The following CRLF3 variants were observed in gnomAD, a reference collection of about 807,000 sequenced individuals.
The protein encoded by CRLF3 is cytokine receptor-like factor 3.
CRLF3 carries 33 observed loss-of-function variants against 55.0 expected under a neutral mutation model. The ratio of observed to expected loss-of-function variants is 0.60; its 90% confidence interval spans 0.46 to 0.80. The LOEUF is 0.80. CRLF3 is among the 30% of genes least tolerant of loss of function. The pLI, the probability that CRLF3 is intolerant of heterozygous loss-of-function variation, is 0.00. For missense variants in CRLF3, 494 were observed against 538.4 expected (o/e 0.92, Z 0.82); for synonymous variants, 238 against 196.8 (o/e 1.21, Z -1.75).
intron 6 of CRLF3, among the ~76,000 whole-genome samples, chr17:30,789,879 A>G (rs1240176067): frequency 6.6e-6 from 1 of 152,256 alleles, no homozygotes; most frequent in East Asian, 1.9e-4. Flanking sequence ...TTCTCAGGAG[A>G]GTCACTAACC....
chr17:30,818,271 T>A (rs1310283873), intron 1 of CRLF3, among the ~76,000 whole-genome samples: 2 of 151,436 alleles, frequency 1.3e-5, no homozygotes, highest in Non-Finnish European at 2.9e-5. Flanking sequence ...AAAAAAAAAA[T>A]TATTTCATCT....
intron 1 of CRLF3, among the ~76,000 whole-genome samples, chr17:30,820,757 T>C (rs1904966058): frequency 7.1e-6 from 1 of 140,034 alleles, no homozygotes; most frequent in Admixed American, 7.8e-5. Context: ...TGCAGTGAGC[T>C]GAAGGTTGCA....
chr17:30,816,434 T>C (rs758758742), intron 1 of CRLF3, among the ~76,000 whole-genome samples: 15 of 151,760 alleles, frequency 9.9e-5, no homozygotes, highest in Admixed American at 3.3e-4. Context: ...ATAATGGTAG[T>C]CCCATAACAT....
intron 2 of CRLF3, among the ~76,000 whole-genome samples, chr17:30,798,504 A>G (rs1971958246): frequency 6.6e-6 from 1 of 152,136 alleles, no homozygotes; most frequent in African/African-American, 2.4e-5. Context: ...TAGTTACTCA[A>G]GTTTTTTGAG....
Position 30,784,129 on chromosome 17 carries a change from C to A in CRLF3, c.*58G>T. The stretch of plus-strand genomic sequence containing the variant: ...TTTTTTTTTAAAGCAATTACAACTA[C>A]GCTGGGCTGAGGACAGCTACGTTAG... On this transcript the variant is annotated 3_prime_UTR_variant, in exon 8 of 8. Coordinates refer to ENST00000324238, the MANE Select transcript of CRLF3 (RefSeq NM_015986.4). 6.6e-7 allele frequency: 1 copy of A among 1,505,134 alleles called. No homozygotes were observed. The highest frequency in any genetic ancestry group is 1.3e-5 in the South Asian group (1 of 79,896). The allele number at this position is 1,505,134 out of a possible 1,614,324, so 93.2% of individuals were successfully genotyped here.
chr17:30,797,772 G>T (rs1407957909), intron 2 of CRLF3, among the ~76,000 whole-genome samples: 1 of 132,830 alleles, frequency 7.5e-6, no homozygotes, highest in Admixed American at 7.5e-5. Flanking sequence ...CAGGGGATAG[G>T]GTGTTTTTTT....
At chr17:30,809,183 GAAGT>G (rs1904532541) in intron 1 of CRLF3, among the ~76,000 whole-genome samples, 1 of 152,276 alleles carries the variant, frequency 6.6e-6, no homozygotes, top group Admixed American at 6.5e-5. Context: ...CAGAAAAAAG[GAAGT>G]AAGTGAACAC....
chr17:30,807,712 T>C (rs1357167326), intron 1 of CRLF3, among the ~76,000 whole-genome samples: 3 of 151,870 alleles, frequency 2.0e-5, no homozygotes, highest in Non-Finnish European at 4.4e-5. Flanking sequence ...TTTGTATTTT[T>C]AGTAGAGACA....
chr17:30,803,595 G>A lies in CRLF3; in HGVS notation c.337+306C>T, dbSNP rs537016199. 2.2e-5 allele frequency: 6 copies of A among 276,944 alleles called. 1 individual carries two copies. Among genetic ancestry groups the A allele is most frequent in the Middle Eastern group, 2.4e-3 (2 of 838 alleles). 17.2% of individuals were successfully genotyped at this position (276,944 alleles called of 1,614,324 possible). On this transcript the variant is annotated intron_variant, in intron 2 of 7. Coordinates refer to ENST00000324238, the MANE Select transcript of CRLF3 (RefSeq NM_015986.4). ...TTCCCATGTGTTGCAGGAGGGACCC[G>A]GTGGGAGATAATTGAATCATGGGGG...
intron 4 of CRLF3, among the ~76,000 whole-genome samples, chr17:30,795,702 G>A (rs1199507019): frequency 5.3e-5 from 8 of 151,966 alleles, no homozygotes; most frequent in Non-Finnish European, 1.2e-4. Flanking sequence ...TTGGGTGGCC[G>A]AGGCGAGTGG....
intron 1 of CRLF3, among the ~76,000 whole-genome samples, chr17:30,818,984 T>C (rs1904902581): frequency 6.6e-6 from 1 of 151,788 alleles, no homozygotes; most frequent in African/African-American, 2.4e-5. Flanking sequence ...CCTGGCTAAT[T>C]TTTTTTACAT....
chr17:30,798,969 A>AT (rs924765781), intron 2 of CRLF3, among the ~76,000 whole-genome samples: 4 of 152,018 alleles, frequency 2.6e-5, no homozygotes, highest in Admixed American at 1.3e-4. Context: ...ATGTATAATA[A>AT]TTTTTTTTAA....
chr17:30,784,451 G>A lies in CRLF3; in HGVS notation c.1073-8C>T. On this transcript the variant is annotated splice_polypyrimidine_tract_variant and splice_region_variant and intron_variant, in intron 7 of 7. Transcript: ENST00000324238. Reference sequence around the variant, plus strand: ...CATTGACAAAAACTGCACCTAAAATGTTAAGGTAAAGAGTCATTTACATGT... The same window carrying A: ...CATTGACAAAAACTGCACCTAAAATATTAAGGTAAAGAGTCATTTACATGT... 1 of 1,607,980 alleles carries A rather than the reference G, an allele frequency of 6.2e-7. No homozygotes were observed. Among genetic ancestry groups the A allele is most frequent in the South Asian group, 1.1e-5 (1 of 90,870 alleles).
At chr17:30,804,141 A>G in intron 1 of CRLF3, 33 bp from the exon 2 acceptor site, 3 of 1,507,624 alleles carry the variant, frequency 2.0e-6, no homozygotes, top group Non-Finnish European at 2.8e-6. Flanking sequence ...TCAAAATCAG[A>G]ATCTTTAAAA....
intron 6 of CRLF3, among the ~76,000 whole-genome samples, chr17:30,791,825 A>T (rs1272770753): frequency 6.7e-6 from 1 of 150,006 alleles, no homozygotes; most frequent in African/African-American, 2.5e-5. Flanking sequence ...CAGGCCTCTA[A>T]ATTTTTAAGA....
intron 6 of CRLF3, 152 bp from the exon 7 acceptor site, chr17:30,786,183 C>T: frequency 1.8e-6 from 1 of 565,986 alleles, no homozygotes; most frequent in South Asian, 2.3e-5. Context: ...ATACTCCAGG[C>T]ACTGTTCTAA....
chr17:30,808,631 C>T (rs1029908877), intron 1 of CRLF3, among the ~76,000 whole-genome samples: 6 of 147,002 alleles, frequency 4.1e-5, no homozygotes, highest in South Asian at 2.2e-4. Flanking sequence ...CTTGCTCTGT[C>T]GCCCAGGCTG....
chr17:30,810,160 G>C (rs989767547), intron 1 of CRLF3, among the ~76,000 whole-genome samples: 2 of 152,222 alleles, frequency 1.3e-5, no homozygotes, highest in African/African-American at 4.8e-5. Context: ...ACAAATGACA[G>C]ACAAGATTTC....
chr17:30,816,984 C>T (rs1904827358), intron 1 of CRLF3, among the ~76,000 whole-genome samples: 1 of 152,140 alleles, frequency 6.6e-6, no homozygotes, highest in African/African-American at 2.4e-5. Flanking sequence ...GAATATATCC[C>T]TGTTGTTTTG....
Sources: gnomAD v4.1 joint callset for allele counts (sites outside exome capture counted in the v4.1 genomes callset) on GRCh38, gnomAD v4.1.1 for gene constraint, MANE v1.5 for transcripts, NCBI Gene and HGNC (gene_info 2026-07-23, HGNC 2026-07-21) for gene names.